The following NTN1 variants were observed in gnomAD, a reference collection of about 807,000 sequenced individuals.
The protein encoded by NTN1 is netrin-1.
Under a neutral mutation model 54.2 loss-of-function variants are expected in NTN1, and 11 were observed. The observed-to-expected ratio is 0.20, with a 90% CI of 0.13 to 0.34. NTN1 has a LOEUF of 0.34. Ranked by LOEUF, NTN1 falls within the 10% of genes least tolerant of loss-of-function variation. The pLI is 1.00. For synonymous variants in NTN1, 371 were observed against 382.0 expected (o/e 0.97, Z 0.33); for missense variants, 740 against 893.1 (o/e 0.83, Z 2.18).
At chr17:9,072,738 C>G (rs543722702) in intron 2 of NTN1, among the ~76,000 whole-genome samples, 8 of 152,176 alleles carry the variant, frequency 5.3e-5, no homozygotes, top group African/African-American at 1.7e-4. Flanking sequence ...TCTCTCCCCC[C>G]AGAATTGAGT....
intron 2 of NTN1, among the ~76,000 whole-genome samples, chr17:9,151,695 G>A (rs1242478236): frequency 1.3e-5 from 2 of 152,238 alleles, no homozygotes; most frequent in Non-Finnish European, 2.9e-5. Context: ...CTCTCTGGGA[G>A]AACTTGGCTT....
At chr17:9,021,504 C>T (rs964072752), upstream of NTN1, 3 of 152,144 alleles carry the variant, frequency 2.0e-5, no homozygotes, top group South Asian at 1.9e-4. Context: ...CTCCCCTCCG[C>T]CCCTCACTCC....
intron 2 of NTN1, among the ~76,000 whole-genome samples, chr17:9,054,132 G>T (rs1163649751): frequency 6.6e-6 from 1 of 152,294 alleles, no homozygotes. Context: ...AACGAAGGGC[G>T]GACAGTGAAC....
intron 5 of NTN1, among the ~76,000 whole-genome samples, chr17:9,195,922 A>G (rs1297841610): frequency 2.0e-5 from 3 of 152,118 alleles, no homozygotes; most frequent in Non-Finnish European, 4.4e-5. Flanking sequence ...ACTGGAGATC[A>G]TGGGTTTTGA....
At chr17:9,109,923 C>T (rs1267748541) in intron 2 of NTN1, among the ~76,000 whole-genome samples, 1 of 152,226 alleles carries the variant, frequency 6.6e-6, no homozygotes, top group African/African-American at 2.4e-5. Context: ...TTTGCTGTGA[C>T]ATGCATATTC....
chr17:9,052,083 C>T (rs2091962499), intron 2 of NTN1, among the ~76,000 whole-genome samples: 1 of 152,126 alleles, frequency 6.6e-6, no homozygotes, highest in Non-Finnish European at 1.5e-5. Context: ...AGCGATTCTC[C>T]TGCCTCAGAC....
intron 2 of NTN1, among the ~76,000 whole-genome samples, chr17:9,024,698 C>T (rs2151507342): frequency 6.6e-6 from 1 of 152,360 alleles, no homozygotes; most frequent in East Asian, 1.9e-4. Context: ...AGTCAGGCGT[C>T]CTGGTCTGAA....
intron 2 of NTN1, among the ~76,000 whole-genome samples, chr17:9,079,252 C>G (rs8079571): frequency 0.45 from 68,238 of 152,050 alleles, 15,703 homozygotes; most frequent in East Asian, 0.59. Context: ...ACCATTCTTG[C>G]GGGGTAGGAG....
At chr17:9,028,380 G>C (rs532980935) in intron 2 of NTN1, among the ~76,000 whole-genome samples, 1 of 152,134 alleles carries the variant, frequency 6.6e-6, no homozygotes, top group Non-Finnish European at 1.5e-5. Context: ...GTCCTCATTA[G>C]CACCTGGTGA....
chr17:9,051,410 T>G (rs534874164), intron 2 of NTN1, among the ~76,000 whole-genome samples: 4 of 152,304 alleles, frequency 2.6e-5, no homozygotes, highest in East Asian at 3.9e-4. Flanking sequence ...TAAGAGCCAG[T>G]GCTCCCAGAG....
rs529164767 is a variant in NTN1 at position 9,129,449 on chromosome 17, G to A, written c.1019-33364G>A. 4.6e-5 allele frequency among the ~76,000 whole-genome samples: 7 copies of A among 152,306 alleles called. 1 individual carries two copies. The East Asian group carries it at 7.7e-4, about 17-fold the overall frequency. Reference sequence around the variant, plus strand: ...GCTCACTGGTCCTTCTTGTTTGCCTGATTGTTTTTCCTCTTGGGGAGGAGA... The same window carrying A: ...GCTCACTGGTCCTTCTTGTTTGCCTAATTGTTTTTCCTCTTGGGGAGGAGA... On this transcript the variant is annotated intron_variant, in intron 2 of 6. Coordinates refer to ENST00000173229, the MANE Select transcript of NTN1 (RefSeq NM_004822.3).
chr17:9,162,085 A>C (rs2092358726), intron 2 of NTN1, among the ~76,000 whole-genome samples: 1 of 152,154 alleles, frequency 6.6e-6, no homozygotes. Context: ...GCAGAGCCAT[A>C]GCTGACAATG....
chr17:9,170,031 G>C (rs1430463714), intron 3 of NTN1, among the ~76,000 whole-genome samples: 1 of 152,284 alleles, frequency 6.6e-6, no homozygotes, highest in Middle Eastern at 3.4e-3. Context: ...TGGGCTTTTT[G>C]TTGCCAGGAG....
chr17:9,229,124 T>C (rs1905718707), intron 6 of NTN1, among the ~76,000 whole-genome samples: 1 of 146,780 alleles, frequency 6.8e-6, no homozygotes, highest in African/African-American at 2.6e-5. Flanking sequence ...GTGACTGTGT[T>C]ACTGTGAGTG....
At chr17:9,071,818 T>A (rs1364222694) in intron 2 of NTN1, among the ~76,000 whole-genome samples, 1 of 152,198 alleles carries the variant, frequency 6.6e-6, no homozygotes, top group Non-Finnish European at 1.5e-5. Flanking sequence ...ATGCCCAGGG[T>A]TTCTTTCCCT....
rs1327653552 is a variant in NTN1, at chr17:9,241,649, CCCA to C, written c.*1683_*1685del. 1 of 152,382 alleles carries C rather than the reference CCCA, an allele frequency of 6.6e-6. No individual in the cohort carries two copies. Among genetic ancestry groups the C allele is most frequent in the African/African-American group, 2.4e-5 (1 of 41,456 alleles). 9.4% of individuals were successfully genotyped at this position (152,382 alleles called of 1,614,324 possible). On this transcript the variant is annotated 3_prime_UTR_variant, in exon 7 of 7. Coordinates refer to ENST00000173229, the MANE Select transcript of NTN1 (RefSeq NM_004822.3). Reference sequence around the variant, plus strand: ...GGTGGTCTGGCTTCCCTCCGCCTTCCCCACATTTACCCGCATCACGGCTGCCAT... The same window carrying C: ...GGTGGTCTGGCTTCCCTCCGCCTTCCCATTTACCCGCATCACGGCTGCCAT...
At chr17:9,154,571 G>C (rs1384880576) in intron 2 of NTN1, among the ~76,000 whole-genome samples, 1 of 152,186 alleles carries the variant, frequency 6.6e-6, no homozygotes, top group African/African-American at 2.4e-5. Context: ...TGATCCCCAG[G>C]TGTGGGCGGG....
chr17:9,203,253 CT>C (rs1406342791), intron 5 of NTN1, among the ~76,000 whole-genome samples: 1 of 152,124 alleles, frequency 6.6e-6, no homozygotes, highest in Non-Finnish European at 1.5e-5. Flanking sequence ...TCTTTGCCCT[CT>C]GTTTGCCAGC....
chr17:9,190,994 A>G (rs1904439005), intron 5 of NTN1, among the ~76,000 whole-genome samples: 2 of 152,256 alleles, frequency 1.3e-5, no homozygotes, highest in Non-Finnish European at 2.9e-5. Context: ...TTTTAAAATA[A>G]TAACAAAATA....
Sources: allele counts gnomAD v4.1 joint callset (sites outside exome capture counted in the v4.1 genomes callset), GRCh38; gene constraint gnomAD v4.1.1; transcripts MANE v1.5; gene names NCBI Gene and HGNC (gene_info 2026-07-23, HGNC 2026-07-21).